PCDH7: variants seen among roughly 807,000 people sequenced by gnomAD.
PCDH7 encodes protocadherin 7, also known as protocadherin-7.
In PCDH7, 17 loss-of-function variants were observed where a neutral mutation model predicts 58.9. The ratio of observed to expected loss-of-function variants is 0.29; its 90% CI spans 0.20 to 0.43. The LOEUF is 0.43. PCDH7 is among the 20% of genes least tolerant of loss of function. PCDH7 has a pLI of 1.00. For missense variants in PCDH7, 1,274 were observed against 1,441.0 expected (o/e 0.88, Z 1.88); for synonymous variants, 664 against 616.4 (o/e 1.08, Z -1.14).
In PCDH7 at chr4:30,729,560, A is replaced by G. The variant is rs188208436; in HGVS notation, c.3175-1193A>G. On this transcript the variant is annotated intron_variant, in intron 1 of 1. Coordinates refer to ENST00000361762, the Ensembl canonical transcript of PCDH7. ...AATATTAGCAGAACAATGATAACAG[A>G]CATAAGTTCCTTCCTAGCAATTAGT... Among the ~76,000 whole-genome samples, 21 of 152,188 alleles carry G rather than the reference A, an allele frequency of 1.4e-4. 1 individual carries two copies. The East Asian group carries it at 3.3e-3, about 24-fold the overall frequency.
intron 3 of PCDH7, among the ~76,000 whole-genome samples, chr4:31,118,823 A>G (rs886940699): frequency 1.3e-5 from 2 of 152,206 alleles, no homozygotes; most frequent in Non-Finnish European, 2.9e-5. Flanking sequence ...AGAAAACTTG[A>G]TGGTTAGATT....
At chr4:30,997,658 T>C (rs953677878) in intron 3 of PCDH7, among the ~76,000 whole-genome samples, 1 of 152,152 alleles carries the variant, frequency 6.6e-6, no homozygotes. Flanking sequence ...TACACAATTT[T>C]TTTTCCTAAA....
chr4:30,939,562 T>A (rs1374567907), intron 2 of PCDH7, among the ~76,000 whole-genome samples: 1 of 152,168 alleles, frequency 6.6e-6, no homozygotes, highest in Non-Finnish European at 1.5e-5. Flanking sequence ...ACAGTCTCAC[T>A]GCCATGACTA....
chr4:30,852,255 C>T (rs752666110), intron 1 of PCDH7, among the ~76,000 whole-genome samples: 24 of 152,124 alleles, frequency 1.6e-4, no homozygotes, highest in Admixed American at 7.9e-4. Flanking sequence ...AGAAACACAT[C>T]GGATTCAATG....
intron 3 of PCDH7, among the ~76,000 whole-genome samples, chr4:30,977,353 T>G (rs1466379712): frequency 6.6e-6 from 1 of 152,168 alleles, no homozygotes; most frequent in Non-Finnish European, 1.5e-5. Flanking sequence ...CCCAGATAAT[T>G]TGGCCCATTG....
At chr4:30,939,932 A>T (rs1578359717) in intron 2 of PCDH7, among the ~76,000 whole-genome samples, 1 of 152,130 alleles carries the variant, frequency 6.6e-6, no homozygotes, top group Non-Finnish European at 1.5e-5. Flanking sequence ...GTATTTCTTT[A>T]CCTGTTTCTT....
chr4:30,908,914 C>T (rs577474484), intron 1 of PCDH7, among the ~76,000 whole-genome samples: 1 of 152,220 alleles, frequency 6.6e-6, no homozygotes, highest in East Asian at 1.9e-4. Flanking sequence ...TGATGAACAT[C>T]CATGTGAAAA....
chr4:30,791,387 A>G (rs1299562876), intron 1 of PCDH7, among the ~76,000 whole-genome samples: 1 of 152,164 alleles, frequency 6.6e-6, no homozygotes, highest in Non-Finnish European at 1.5e-5. Context: ...TACCTTATAA[A>G]TTATTTATGA....
intron 2 of PCDH7, among the ~76,000 whole-genome samples, chr4:30,941,688 C>T (rs1746053813): frequency 6.6e-6 from 1 of 151,858 alleles, no homozygotes; most frequent in African/African-American, 2.4e-5. Context: ...AATTCTCACT[C>T]TGTGTTGATT....
intron 3 of PCDH7, among the ~76,000 whole-genome samples, chr4:31,047,090 T>A (rs1269427452): frequency 6.6e-6 from 1 of 152,002 alleles, no homozygotes; most frequent in African/African-American, 2.4e-5. Context: ...AAATTTTTTG[T>A]TTGTTTTTTT....
chr4:30,782,168 T>C (rs1463200024), intron 1 of PCDH7, among the ~76,000 whole-genome samples: 1 of 152,198 alleles, frequency 6.6e-6, no homozygotes, highest in Non-Finnish European at 1.5e-5. Flanking sequence ...CTGAGCTTCT[T>C]AACACTTTTT....
intron 1 of PCDH7, among the ~76,000 whole-genome samples, chr4:30,768,684 C>G (rs916771153): frequency 2.8e-4 from 43 of 152,176 alleles, no homozygotes; most frequent in African/African-American, 1.0e-3. Context: ...AGCCAGATGA[C>G]AGTGTACATG....
At chr4:30,929,892 A>C (rs1047895681) in intron 2 of PCDH7, among the ~76,000 whole-genome samples, 2 of 152,182 alleles carry the variant, frequency 1.3e-5, no homozygotes, top group Admixed American at 6.5e-5. Context: ...TTGTAGCCAA[A>C]GGTCCTAGCA....
intron 3 of PCDH7, among the ~76,000 whole-genome samples, chr4:31,103,347 T>C (rs1283273550): frequency 1.3e-5 from 2 of 151,878 alleles, no homozygotes; most frequent in Non-Finnish European, 2.9e-5. Flanking sequence ...TCTTTTTTTG[T>C]TTTTGTTTTT....
intron 1 of PCDH7, among the ~76,000 whole-genome samples, chr4:30,868,334 C>T (rs1352282078): frequency 6.6e-6 from 1 of 152,030 alleles, no homozygotes; most frequent in Non-Finnish European, 1.5e-5. Context: ...CAAAATGGTA[C>T]AGCTGAAATT....
intron 3 of PCDH7, among the ~76,000 whole-genome samples, chr4:30,961,598 A>T (rs2109460456): frequency 6.6e-6 from 1 of 152,246 alleles, no homozygotes. Flanking sequence ...ACCTAGTCAT[A>T]GTTTGATTAT....
intron 3 of PCDH7, among the ~76,000 whole-genome samples, chr4:31,102,659 G>A (rs1578802274): frequency 6.8e-6 from 1 of 147,412 alleles, no homozygotes; most frequent in African/African-American, 2.5e-5. Context: ...GGTGACAAGA[G>A]CAAAACTCCA....
intron 1 of PCDH7, among the ~76,000 whole-genome samples, chr4:30,892,768 A>G (rs894509736): frequency 6.6e-6 from 1 of 152,082 alleles, no homozygotes; most frequent in African/African-American, 2.4e-5. Context: ...GCTTGTAGGA[A>G]GTGAAATAAC....
chr4:30,895,515 A>T (rs779387096), intron 1 of PCDH7, among the ~76,000 whole-genome samples: 10 of 152,092 alleles, frequency 6.6e-5, no homozygotes, highest in Non-Finnish European at 1.5e-4. Flanking sequence ...CCCTACCTGC[A>T]CTCTCATCAT....
Sources: allele counts gnomAD v4.1 joint callset (sites outside exome capture counted in the v4.1 genomes callset), GRCh38; gene constraint gnomAD v4.1.1; transcripts MANE v1.5; gene names NCBI Gene and HGNC (gene_info 2026-07-23, HGNC 2026-07-21).